LAMB1: variants seen among roughly 807,000 people sequenced by gnomAD.
LAMB1 encodes the protein laminin subunit beta 1, also known as laminin subunit beta-1.
A neutral mutation model predicts 222.3 loss-of-function variants in LAMB1; 121 were observed. The observed-to-expected ratio is 0.54, with a 90% CI of 0.47 to 0.63. LAMB1 has a LOEUF of 0.63. LAMB1 is among the 30% of genes least tolerant of loss of function. The probability of loss-of-function intolerance (pLI) is 0.00; values close to 1 mark genes in which losing one functional copy is unlikely to be tolerated. For synonymous variants in LAMB1, 794 were observed against 807.2 expected, an observed-to-expected ratio of 0.98 and a Z score of 0.28; for missense variants, 2,172 against 2,240.8, an observed-to-expected ratio of 0.97 and a Z score of 0.62.
chr7:107,994,104 T>C (rs2034237129), intron 5 of LAMB1, among the ~76,000 whole-genome samples: 1 of 152,216 alleles, frequency 6.6e-6, no homozygotes, highest in Non-Finnish European at 1.5e-5. Flanking sequence ...TGAAAGCTAT[T>C]CAAAAGTGAT....
In LAMB1 at chr7:107,944,401, C is replaced by T. The variant is rs146369907; in HGVS notation, c.3392-4043G>A. On this transcript the variant is annotated intron_variant, in intron 24 of 33. Transcript: ENST00000222399. ...GAGTTCCAATGAGCTAGCAGAGCTT[C>T]GGCTCTCTCCAGAAGTCAACAACCA... Among the ~76,000 whole-genome samples the T allele has an allele frequency of 2.7e-3, 415 of 152,244 alleles. 5 individuals carry two copies. The highest frequency in any genetic ancestry group is 8.9e-3 in the African/African-American group (368 of 41,538).
At chr7:107,962,399 T>G (rs2150429425) in intron 15 of LAMB1, among the ~76,000 whole-genome samples, 1 of 152,116 alleles carries the variant, frequency 6.6e-6, no homozygotes, top group South Asian at 2.1e-4. Flanking sequence ...TCACTACGTT[T>G]GAGAAACTGG....
intron 20 of LAMB1, among the ~76,000 whole-genome samples, chr7:107,957,139 C>T (rs1030098017): frequency 3.3e-5 from 5 of 152,152 alleles, no homozygotes; most frequent in African/African-American, 1.2e-4. Context: ...CCTGTAATCC[C>T]AGCATTTTGG....
At chr7:108,002,119 C>T in intron 2 of LAMB1, 4 of 1,476,978 alleles carry the variant, frequency 2.7e-6, no homozygotes, top group Non-Finnish European at 3.6e-6. Flanking sequence ...CCCCAAAGGG[C>T]CACACACCCA....
At chr7:107,999,943 A>G (rs2034351934) in intron 3 of LAMB1, 1 of 152,134 alleles carries the variant, frequency 6.6e-6, no homozygotes, top group Admixed American at 6.5e-5. Flanking sequence ...AAACTTCTCT[A>G]GTAACGAACT....
intron 7 of LAMB1, among the ~76,000 whole-genome samples, chr7:107,982,783 G>A (rs1473772886): frequency 1.3e-5 from 2 of 152,132 alleles, no homozygotes; most frequent in African/African-American, 2.4e-5. Flanking sequence ...TGAGTCTCAG[G>A]TCTCAACAAT....
At chr7:107,980,153 A>C in intron 8 of LAMB1, among the ~76,000 whole-genome samples, 1 of 151,858 alleles carries the variant, frequency 6.6e-6, no homozygotes. Flanking sequence ...TGGTGCAGTG[A>C]GCTGAAATTG....
chr7:107,965,197 T>G (rs2033606338), intron 13 of LAMB1, among the ~76,000 whole-genome samples: 1 of 152,240 alleles, frequency 6.6e-6, no homozygotes, highest in Admixed American at 6.5e-5. Context: ...GATTCTTTCT[T>G]CACACTCCAT....
chr7:107,960,844 T>C (rs1490978348), intron 17 of LAMB1, among the ~76,000 whole-genome samples, 195 bp from the exon 18 acceptor site: 1 of 152,200 alleles, frequency 6.6e-6, no homozygotes, highest in African/African-American at 2.4e-5. Flanking sequence ...TTACACAGCT[T>C]GATGGCTTTT....
chr7:107,974,923 C>A, intron 12 of LAMB1, 63 bp downstream of exon 12: 1 of 940,518 alleles, frequency 1.1e-6, no homozygotes, highest in South Asian at 1.3e-5. Flanking sequence ...GGCGAAAAGG[C>A]TTCTCTATTA....
chr7:107,924,095 G>A lies in LAMB1; in HGVS notation c.5225-8C>T. The stretch of plus-strand genomic sequence containing the variant: ...CATATTTTCTTTCTAAATCTGTGGG[G>A]AGATATATATATATAAAGTCTGAGC... On this transcript the variant is annotated splice_region_variant and splice_polypyrimidine_tract_variant and intron_variant, in intron 33 of 33. Coordinates refer to ENST00000222399, the MANE Select transcript of LAMB1 (RefSeq NM_002291.3). 6.6e-7 allele frequency: 1 copy of A among 1,525,152 alleles called. No homozygotes were observed. The highest frequency in any genetic ancestry group is 2.3e-5 in the East Asian group (1 of 43,504). 94.5% of individuals were successfully genotyped at this position (1,525,152 alleles called of 1,614,324 possible).
At chr7:107,990,700 G>T (rs1188696234) in intron 5 of LAMB1, among the ~76,000 whole-genome samples, 1 of 152,150 alleles carries the variant, frequency 6.6e-6, no homozygotes, top group Admixed American at 6.5e-5. Context: ...TTCAGCTTTT[G>T]ATTTTAAAGT....
chr7:107,931,273 G>T, intron 29 of LAMB1, 83 bp downstream of exon 29: 1 of 1,267,642 alleles, frequency 7.9e-7, no homozygotes, highest in Non-Finnish European at 1.1e-6. Flanking sequence ...TTAGTACCCT[G>T]ACAGAAATGG....
At chr7:107,983,006 G>A (rs186546953) in intron 7 of LAMB1, among the ~76,000 whole-genome samples, 1 of 152,186 alleles carries the variant, frequency 6.6e-6, no homozygotes, top group African/African-American at 2.4e-5. Context: ...AGGGACTTAG[G>A]GGGTGTCTGT....
chr7:107,993,472 C>A (rs1353697988), intron 5 of LAMB1, among the ~76,000 whole-genome samples: 1 of 152,126 alleles, frequency 6.6e-6, no homozygotes, highest in Non-Finnish European at 1.5e-5. Context: ...GTTCAATCAT[C>A]ACCCCCGTTT....
chr7:107,937,387 G>A, intron 25 of LAMB1, 110 bp from the exon 26 acceptor site: 1 of 791,200 alleles, frequency 1.3e-6, no homozygotes. Flanking sequence ...AACCAATTCA[G>A]TAATTTGTAA....
At chr7:107,989,974 C>T (rs905373036) in intron 5 of LAMB1, among the ~76,000 whole-genome samples, 2 of 152,190 alleles carry the variant, frequency 1.3e-5, no homozygotes, top group African/African-American at 4.8e-5. Context: ...CCTGCCATTG[C>T]TGCACAGTTG....
intron 26 of LAMB1, among the ~76,000 whole-genome samples, chr7:107,935,922 C>T (rs996696092): frequency 6.6e-6 from 1 of 152,198 alleles, no homozygotes; most frequent in Non-Finnish European, 1.5e-5. Flanking sequence ...CACAAGCAAA[C>T]ATCCAGTTCT....
At chr7:107,942,663 G>A (rs1361398163) in intron 24 of LAMB1, 3 of 152,182 alleles carry the variant, frequency 2.0e-5, no homozygotes, top group South Asian at 4.1e-4. Flanking sequence ...CTGCTTTCAA[G>A]ATAAAATAAT....
Sources: gnomAD v4.1 joint callset for allele counts (sites outside exome capture counted in the v4.1 genomes callset) on GRCh38, gnomAD v4.1.1 for gene constraint, MANE v1.5 for transcripts, NCBI Gene and HGNC (gene_info 2026-07-23, HGNC 2026-07-21) for gene names.